CFAP299: variants seen among roughly 807,000 people sequenced by gnomAD.
CFAP299 encodes cilia and flagella associated protein 299.
CFAP299 carries 21 observed loss-of-function variants against 27.0 expected under a neutral mutation model. The ratio of observed to expected loss-of-function variants is 0.78; its 90% CI spans 0.55 to 1.12. CFAP299 has a LOEUF of 1.12. Ranked by LOEUF, CFAP299 falls within the 50% of genes most tolerant of loss-of-function variation. The probability of loss-of-function intolerance (pLI) is 0.00; values close to 1 mark genes in which losing one functional copy is unlikely to be tolerated. For synonymous variants in CFAP299, 104 were observed against 98.1 expected, an observed-to-expected ratio of 1.06 and a Z score of -0.36; for missense variants, 310 against 276.6, an observed-to-expected ratio of 1.12 and a Z score of -0.86.
intron 3 of CFAP299, among the ~76,000 whole-genome samples, chr4:80,753,888 C>G (rs1343228853): frequency 6.6e-6 from 1 of 152,172 alleles, no homozygotes; most frequent in Non-Finnish European, 1.5e-5. Context: ...AAATTACCCC[C>G]CTAAATCTTC....
intron 3 of CFAP299, among the ~76,000 whole-genome samples, chr4:80,611,379 A>G (rs1485145322): frequency 6.6e-6 from 1 of 152,100 alleles, no homozygotes; most frequent in African/African-American, 2.4e-5. Context: ...CATGTGAACT[A>G]TACATTATAT....
chr4:80,323,605 G>T, the CFAP299 span, among the ~76,000 whole-genome samples: 6 of 151,824 alleles, frequency 4.0e-5, no homozygotes, highest in Admixed American at 2.6e-4. Flanking sequence ...CTACTAATTA[G>T]AATTGATTAA....
At chr4:80,911,854 T>G (rs1251394950) in intron 4 of CFAP299, among the ~76,000 whole-genome samples, 1 of 152,158 alleles carries the variant, frequency 6.6e-6, no homozygotes, top group African/African-American at 2.4e-5. Context: ...TTTAATATTT[T>G]TTCATACCAT....
At chr4:80,476,950 T>TGTGTGC (rs1293859530) in intron 2 of CFAP299, among the ~76,000 whole-genome samples, 14 of 136,098 alleles carry the variant, frequency 1.0e-4, no homozygotes, top group African/African-American at 3.9e-4. Context: ...TGTGCGTGTG[T>TGTGTGC]GTGCGCATGC....
chr4:80,824,078 AT>A (rs1176058581), intron 3 of CFAP299, among the ~76,000 whole-genome samples: 1 of 152,158 alleles, frequency 6.6e-6, no homozygotes, highest in African/African-American at 2.4e-5. Context: ...TCAATGCAAA[AT>A]ATAGGTACTA....
At chr4:80,762,471 A>G (rs1036355903) in intron 3 of CFAP299, among the ~76,000 whole-genome samples, 1 of 152,124 alleles carries the variant, frequency 6.6e-6, no homozygotes, top group African/African-American at 2.4e-5. Flanking sequence ...TTAACTATCA[A>G]TGCACCTGGT....
rs917724230 is a variant in CFAP299, at chr4:80,669,520, T to G, written c.333+86337T>G. Among the ~76,000 whole-genome samples the G allele has an allele frequency of 9.9e-5, 15 of 152,102 alleles. 1 individual carries two copies. The highest frequency in any genetic ancestry group is 6.6e-4 in the Admixed American group (10 of 15,258). On this transcript the variant is annotated intron_variant, in intron 3 of 5. Coordinates refer to ENST00000358105, the MANE Select transcript of CFAP299 (RefSeq NM_152770.3). ...ATAAATGCCACTGATTTTCATATAT[T>G]GATTTTGTGTCTTGCAAATTTACTG... is the stretch of plus-strand genomic sequence containing the variant.
intron 2 of CFAP299, among the ~76,000 whole-genome samples, chr4:80,381,839 T>G (rs972231901): frequency 6.6e-6 from 1 of 152,204 alleles, no homozygotes; most frequent in Non-Finnish European, 1.5e-5. Context: ...TGCTGCCCGA[T>G]TATGCTTCTG....
chr4:80,362,773 A>G lies in CFAP299; in HGVS notation c.131A>G (p.Gln44Arg). The change falls in exon 2 of 6, where the codon CAG becomes CGG. Residue 44 changes from glutamine (Q) to arginine (R), a missense_variant. Gln to Arg is a conservative substitution (Grantham distance 43). Transcript: ENST00000358105. ...CTCTAGGATGAAACCCTGGCCCGCC[A>G]GTTGGTGGAGCTAGGCTACCGAGGG... The part of the protein sequence containing the change: ...YYLEDETLAR[Q>R]LVELGYRGTG... 6.2e-7 allele frequency: 1 copy of G among 1,605,942 alleles called. No individual in the cohort carries two copies. Among genetic ancestry groups the G allele is most frequent in the Non-Finnish European group, 8.5e-7 (1 of 1,177,962 alleles).
At chr4:80,939,293 T>G (rs1244425432) in intron 4 of CFAP299, among the ~76,000 whole-genome samples, 1 of 152,216 alleles carries the variant, frequency 6.6e-6, no homozygotes, top group Non-Finnish European at 1.5e-5. Flanking sequence ...CTTCTGGAAC[T>G]CTTATACTAC....
intron 3 of CFAP299, among the ~76,000 whole-genome samples, chr4:80,597,130 G>A (rs1282036587): frequency 1.3e-5 from 2 of 151,998 alleles, no homozygotes; most frequent in African/African-American, 4.8e-5. Flanking sequence ...GTTCAGTTTT[G>A]TTTACTAGAT....
intron 4 of CFAP299, among the ~76,000 whole-genome samples, chr4:80,876,289 C>T (rs1464026158): frequency 1.3e-5 from 2 of 151,984 alleles, no homozygotes; most frequent in Non-Finnish European, 2.9e-5. Flanking sequence ...TCACATGTCA[C>T]GGGAGGGACC....
chr4:80,406,166 T>C (rs1726407104), intron 2 of CFAP299, among the ~76,000 whole-genome samples: 1 of 152,202 alleles, frequency 6.6e-6, no homozygotes, highest in East Asian at 1.9e-4. Flanking sequence ...AGGAAGATTA[T>C]TTAATAAACC....
At chr4:80,821,543 C>T (rs888168988) in intron 3 of CFAP299, among the ~76,000 whole-genome samples, 2 of 152,070 alleles carry the variant, frequency 1.3e-5, no homozygotes, top group Non-Finnish European at 2.9e-5. Context: ...CAGCTGGGCC[C>T]CCCTTTGCAA....
chr4:80,686,184 G>T (rs1014107642), intron 3 of CFAP299, among the ~76,000 whole-genome samples: 31 of 152,104 alleles, frequency 2.0e-4, no homozygotes, highest in Non-Finnish European at 3.5e-4. Context: ...TCCTTAGATT[G>T]TTACCCTAAT....
intron 2 of CFAP299, among the ~76,000 whole-genome samples, chr4:80,397,365 T>C (rs1725859666): frequency 6.6e-6 from 1 of 152,184 alleles, no homozygotes; most frequent in Non-Finnish European, 1.5e-5. Context: ...AAGGGTTTTT[T>C]TGCGTCTCTA....
intron 2 of CFAP299, among the ~76,000 whole-genome samples, chr4:80,427,175 G>T (rs983840558): frequency 6.6e-6 from 1 of 152,148 alleles, no homozygotes; most frequent in East Asian, 1.9e-4. Context: ...ACTCTGAAAA[G>T]TTGTATAGTA....
intron 3 of CFAP299, among the ~76,000 whole-genome samples, chr4:80,742,049 G>C (rs1438898282): frequency 6.6e-6 from 1 of 152,142 alleles, no homozygotes; most frequent in Non-Finnish European, 1.5e-5. Context: ...TCTCTGCCCT[G>C]CATGACTACT....
chr4:80,376,135 T>C (rs1724396644), intron 2 of CFAP299, among the ~76,000 whole-genome samples: 1 of 152,206 alleles, frequency 6.6e-6, no homozygotes, highest in Non-Finnish European at 1.5e-5. Flanking sequence ...CCCTATAGTT[T>C]TGCCTTTTTT....
Sources: gnomAD v4.1 joint callset for allele counts (sites outside exome capture counted in the v4.1 genomes callset) on GRCh38, gnomAD v4.1.1 for gene constraint, MANE v1.5 for transcripts, NCBI Gene and HGNC (gene_info 2026-07-23, HGNC 2026-07-21) for gene names.